GSE1: variants seen among roughly 807,000 people sequenced by gnomAD.
The protein encoded by GSE1 is genetic suppressor element 1.
Under a neutral mutation model 112.6 loss-of-function variants are expected in GSE1, and 32 were observed. The ratio of observed to expected loss-of-function variants is 0.28; its 90% confidence interval spans 0.21 to 0.38. The LOEUF is 0.38. Ranked by LOEUF, GSE1 falls within the 10% of genes least tolerant of loss-of-function variation. The pLI is 1.00. For synonymous variants in GSE1, 1,115 were observed against 735.6 expected (o/e 1.52, Z -8.35); for missense variants, 2,348 against 1,699.2 (o/e 1.38, Z -6.71).
intron 2 of GSE1, among the ~76,000 whole-genome samples, chr16:85,483,724 G>C (rs2050752535): frequency 6.6e-6 from 1 of 152,292 alleles, no homozygotes; most frequent in Admixed American, 6.5e-5. Flanking sequence ...GAGCGAGGGA[G>C]CCCGTCCCCG....
chr16:85,300,485 G>A (rs1031932579), intron 1 of GSE1, among the ~76,000 whole-genome samples: 3 of 152,164 alleles, frequency 2.0e-5, no homozygotes, highest in Admixed American at 6.5e-5. Flanking sequence ...CCACTCATCC[G>A]CTTCCTGTCT....
chr16:85,508,866 A>G (rs2051634273), intron 2 of GSE1, among the ~76,000 whole-genome samples: 6 of 152,096 alleles, frequency 3.9e-5, no homozygotes, highest in Admixed American at 2.0e-4. Context: ...GTCCTGGGGG[A>G]TGTACAAACG....
chr16:85,438,019 A>G (rs1387211964), intron 2 of GSE1, among the ~76,000 whole-genome samples: 1 of 152,120 alleles, frequency 6.6e-6, no homozygotes, highest in African/African-American at 2.4e-5. Context: ...CTCAGGAGCT[A>G]GTTCCGTGTC....
chr16:85,613,502 C>T, intron 1 of GSE1, 104 bp downstream of exon 1: 2 of 1,065,482 alleles, frequency 1.9e-6, no homozygotes, highest in East Asian at 3.0e-5. Context: ...GCCAACGGCT[C>T]CCGGGCAACT....
chr16:85,642,420 A>T (rs1011098095), intron 2 of GSE1, among the ~76,000 whole-genome samples: 10 of 152,156 alleles, frequency 6.6e-5, no homozygotes, highest in African/African-American at 2.4e-4. Flanking sequence ...CTGGGTTCCC[A>T]CCCTGGCCGG....
intron 2 of GSE1, among the ~76,000 whole-genome samples, chr16:85,454,188 C>A (rs573025061): frequency 6.6e-6 from 1 of 152,332 alleles, no homozygotes; most frequent in East Asian, 1.9e-4. Flanking sequence ...CGTGCAGGGC[C>A]CTGTGTGGAG....
At chr16:85,225,374 C>T (rs949036443) in intron 1 of GSE1, among the ~76,000 whole-genome samples, 5 of 152,166 alleles carry the variant, frequency 3.3e-5, no homozygotes, top group Admixed American at 2.6e-4. Flanking sequence ...GCAGAGGGCC[C>T]GAGGAGGGAA....
chr16:85,503,913 A>T (rs2051451082), intron 2 of GSE1, among the ~76,000 whole-genome samples: 1 of 152,228 alleles, frequency 6.6e-6, no homozygotes, highest in South Asian at 2.1e-4. Context: ...CCGGCGCTTA[A>T]TTAGGACCGG....
intron 1 of GSE1, among the ~76,000 whole-genome samples, chr16:85,318,368 A>G (rs1597381171): frequency 1.3e-5 from 2 of 152,070 alleles, no homozygotes; most frequent in African/African-American, 4.8e-5. Context: ...GGGTCAAGTG[A>G]TCATCCTGTC....
intron 1 of GSE1, among the ~76,000 whole-genome samples, chr16:85,226,189 C>T (rs1019190135): frequency 3.9e-5 from 6 of 152,206 alleles, no homozygotes; most frequent in South Asian, 4.2e-4. Flanking sequence ...GGACATGTTC[C>T]GAAACCACCA....
chr16:85,636,718 A>G (rs1165357211), intron 2 of GSE1, among the ~76,000 whole-genome samples: 6 of 152,078 alleles, frequency 3.9e-5, no homozygotes, highest in Admixed American at 3.9e-4. Flanking sequence ...CGCCGTTAGG[A>G]CAGTTCTGAG....
chr16:85,293,979 C>T (rs1270129881), intron 1 of GSE1, among the ~76,000 whole-genome samples: 6 of 152,212 alleles, frequency 3.9e-5, no homozygotes, highest in South Asian at 2.1e-4. Flanking sequence ...AATGCCAACC[C>T]AGCATGATGC....
chr16:85,212,243 T>C (rs2075238606), intron 1 of GSE1, among the ~76,000 whole-genome samples: 1 of 151,912 alleles, frequency 6.6e-6, no homozygotes, highest in Non-Finnish European at 1.5e-5. Flanking sequence ...CTGTCTCTAC[T>C]AAAAATACAA....
intron 1 of GSE1, among the ~76,000 whole-genome samples, chr16:85,598,355 C>T (rs1296152093): frequency 6.6e-6 from 1 of 152,048 alleles, no homozygotes; most frequent in Non-Finnish European, 1.5e-5. Context: ...GGTCCCTGTG[C>T]CTTGGTGCAC....
intron 1 of GSE1, among the ~76,000 whole-genome samples, chr16:85,246,062 G>GTGTGTGAC (rs1281385864): frequency 6.6e-6 from 1 of 151,718 alleles, no homozygotes; most frequent in Non-Finnish European, 1.5e-5. Flanking sequence ...CAGAGCATCT[G>GTGTGTGAC]TGTGTGACTG....
At chr16:85,256,469 G>C (rs549038561) in intron 1 of GSE1, among the ~76,000 whole-genome samples, 2 of 152,368 alleles carry the variant, frequency 1.3e-5, no homozygotes, top group East Asian at 3.9e-4. Context: ...CCTTGGTGCA[G>C]ATGGGGTAGC....
At position 85,670,944 on chromosome 16, in the gene GSE1, C is replaced by T. The variant is rs753673068; in HGVS notation, c.3416-51C>T. The stretch of plus-strand genomic sequence containing the variant: ...TGTGAAGAGGAGAGCACAAAGCGGG[C>T]CTTCGGGCTCCTGCATACGGAAAAT... On this transcript the variant is annotated intron_variant, in intron 14 of 15. Transcript: ENST00000253458. The T allele has an allele frequency of 8.6e-5, 98 of 1,141,054 alleles. 1 individual carries two copies. In the Middle Eastern group the frequency reaches 1.7e-3, roughly 20 times the overall value. The allele number at this position is 1,141,054 out of a possible 1,614,324, so 70.7% of individuals were successfully genotyped here.
At chr16:85,184,700 T>G (rs1456955319) in intron 1 of GSE1, among the ~76,000 whole-genome samples, 1 of 152,250 alleles carries the variant, frequency 6.6e-6, no homozygotes, top group Non-Finnish European at 1.5e-5. Context: ...CCCTTGTGTT[T>G]TTTTTCTTTG....
At chr16:85,178,348 C>T (rs1003259107) in intron 1 of GSE1, among the ~76,000 whole-genome samples, 3 of 152,010 alleles carry the variant, frequency 2.0e-5, no homozygotes, top group South Asian at 4.2e-4. Context: ...AACAGTCATT[C>T]TGCATGGAGC....
Sources: gnomAD v4.1 joint callset for allele counts (sites outside exome capture counted in the v4.1 genomes callset) on GRCh38, gnomAD v4.1.1 for gene constraint, MANE v1.5 for transcripts, NCBI Gene and HGNC (gene_info 2026-07-23, HGNC 2026-07-21) for gene names.